Variants in PTCHD4 observed in about 807,000 individuals in gnomAD.
PTCHD4 encodes patched domain containing 4.
PTCHD4 carries 33 observed loss-of-function variants against 58.1 expected under a neutral mutation model. The observed-to-expected ratio is 0.57, with a 90% CI of 0.43 to 0.76. PTCHD4 has a LOEUF of 0.76. Among genes scored for constraint, PTCHD4 ranks in the 30% least tolerant of loss-of-function variants. The pLI is 0.00. For missense variants in PTCHD4, 1,058 were observed against 1,027.1 expected, an observed-to-expected ratio of 1.03 and a Z score of -0.41; for synonymous variants, 478 against 409.6, an observed-to-expected ratio of 1.17 and a Z score of -2.02.
rs1297021738 is a variant in PTCHD4 at position 47,857,592 on chromosome 6, A to G, written c.*20711T>C. ...TTTTCAATATTGCATTGCAGTGCTA[A>G]CTCAATTTCATACCACCGCAAAACT... On this transcript the variant is annotated 3_prime_UTR_variant, in exon 5 of 5. Coordinates refer to ENST00000339488, the MANE Select transcript of PTCHD4 (RefSeq NM_001384253.1). Among the ~76,000 whole-genome samples the G allele has an allele frequency of 6.6e-6, 1 of 152,018 alleles. No individual in the cohort carries two copies. Among genetic ancestry groups the G allele is most frequent in the Non-Finnish European group, 1.5e-5 (1 of 67,984 alleles).
intron 3 of PTCHD4, among the ~76,000 whole-genome samples, chr6:48,035,844 C>A (rs894934484): frequency 4.6e-5 from 7 of 152,104 alleles, no homozygotes; most frequent in African/African-American, 1.7e-4. Context: ...TAGTAATTTT[C>A]TAATCATAAA....
intron 1 of PTCHD4, among the ~76,000 whole-genome samples, chr6:48,106,273 C>A (rs1393121702): frequency 1.3e-5 from 2 of 152,114 alleles, no homozygotes; most frequent in Non-Finnish European, 2.9e-5. Flanking sequence ...GGGCTTCATC[C>A]CTGGGATGCA....
Position 48,068,768 on chromosome 6 carries a change from C to T in PTCHD4, c.6-127G>A. ...ACCCACTCCGCGCTCACCCCACAAC[C>T]ACTCCGCCTGGTCTTTCCCCGGCCC... On this transcript the variant is annotated intron_variant, in intron 2 of 4. Transcript: ENST00000339488. This position sits in a 1 kb window ranked among gnomAD's most constrained non-coding sequence, Gnocchi z 4.2. The T allele has an allele frequency of 2.4e-6, 2 of 837,864 alleles. No homozygotes were observed. Among genetic ancestry groups the T allele is most frequent in the Non-Finnish European group, 3.6e-6 (2 of 552,576 alleles). 51.9% of individuals were successfully genotyped at this position (837,864 alleles called of 1,614,324 possible).
chr6:48,077,371 T>A (rs1469169273), intron 1 of PTCHD4, among the ~76,000 whole-genome samples: 1 of 152,244 alleles, frequency 6.6e-6, no homozygotes, highest in Non-Finnish European at 1.5e-5. Context: ...AGCTGCTTTG[T>A]CTACATTGAA....
At chr6:47,932,539 A>G (rs527617495) in intron 4 of PTCHD4, among the ~76,000 whole-genome samples, 2 of 152,352 alleles carry the variant, frequency 1.3e-5, no homozygotes, top group Non-Finnish European at 2.9e-5. Flanking sequence ...TAAAAGGTAC[A>G]TGGTGTGATT....
In PTCHD4 at chr6:47,956,864, A is replaced by T. The variant is rs117830137; in HGVS notation, c.898+51770T>A. 2.4e-4 allele frequency among the ~76,000 whole-genome samples: 36 copies of T among 152,224 alleles called. 1 individual carries two copies. In the East Asian group the frequency reaches 6.0e-3, roughly 25 times the overall value. On this transcript the variant is annotated intron_variant, in intron 4 of 4. Transcript: ENST00000339488. ...GAGCAGTGAGAATTTGTTTTCTATC[A>T]TTTAAAAAATTGCCTTTCGTTGGGC... is the stretch of plus-strand genomic sequence containing the variant.
intron 4 of PTCHD4, chr6:47,899,463 G>T: frequency 2.7e-6 from 1 of 368,280 alleles, no homozygotes; most frequent in Non-Finnish European, 3.8e-6. Flanking sequence ...TTGTATAGCT[G>T]TTGAAGATTC....
At chr6:47,912,360 G>A (rs1259401692) in intron 4 of PTCHD4, among the ~76,000 whole-genome samples, 1 of 151,726 alleles carries the variant, frequency 6.6e-6, no homozygotes, top group African/African-American at 2.4e-5. Flanking sequence ...TGTAATTCTG[G>A]GCCAGAAGTT....
chr6:48,007,200 A>C (rs1762467820), intron 4 of PTCHD4, among the ~76,000 whole-genome samples: 1 of 152,160 alleles, frequency 6.6e-6, no homozygotes, highest in Non-Finnish European at 1.5e-5. Flanking sequence ...AGATCGTGAC[A>C]CTGCACTCCA....
chr6:47,911,723 G>A (rs986759723), intron 4 of PTCHD4, among the ~76,000 whole-genome samples: 25 of 152,194 alleles, frequency 1.6e-4, no homozygotes, highest in African/African-American at 5.8e-4. Context: ...CGGTAGAGTA[G>A]ACATCTACAT....
chr6:47,898,384 C>T (rs1764591539), intron 4 of PTCHD4, among the ~76,000 whole-genome samples: 1 of 152,078 alleles, frequency 6.6e-6, no homozygotes, highest in African/African-American at 2.4e-5. Flanking sequence ...TAAAAAGCAC[C>T]ACTTCCATTA....
chr6:48,037,308 T>C (rs2753204), intron 3 of PTCHD4, among the ~76,000 whole-genome samples: 87,704 of 151,934 alleles, frequency 0.58, 25,467 homozygotes, highest in East Asian at 0.73. Context: ...ATCATAGGTA[T>C]GTATGTGTAG....
At chr6:47,901,167 A>C (rs1293515687) in intron 4 of PTCHD4, 2 of 150,856 alleles carry the variant, frequency 1.3e-5, no homozygotes, top group African/African-American at 4.8e-5. Context: ...TCTCAAAAAA[A>C]AAAAATAATA....
At chr6:48,026,994 G>T (rs539507436) in intron 3 of PTCHD4, among the ~76,000 whole-genome samples, 1 of 150,540 alleles carries the variant, frequency 6.6e-6, no homozygotes, top group East Asian at 2.0e-4. Context: ...TATTTTATAT[G>T]AACCGGTAAG....
At chr6:48,062,443 C>A (rs139638818) in intron 3 of PTCHD4, among the ~76,000 whole-genome samples, 25 of 151,804 alleles carry the variant, frequency 1.6e-4, no homozygotes, top group Non-Finnish European at 3.4e-4. Context: ...ATGGAGAGAA[C>A]GCTTTCTATC....
chr6:47,993,556 G>A (rs1768360287), intron 4 of PTCHD4, among the ~76,000 whole-genome samples: 1 of 152,178 alleles, frequency 6.6e-6, no homozygotes, highest in Non-Finnish European at 1.5e-5. Flanking sequence ...GCAGAATATG[G>A]CAGCAGATAT....
rs1338704157 is a variant in PTCHD4, at chr6:47,860,464, G to A, written c.*17839C>T. ...AAGACACATGATCTGATTTTGTTTAGTAATCTACATCATTGCTTATCCCAA... is the reference window on the plus strand; with the variant it reads ...AAGACACATGATCTGATTTTGTTTAATAATCTACATCATTGCTTATCCCAA... On this transcript the variant is annotated 3_prime_UTR_variant, in exon 5 of 5. Coordinates refer to ENST00000339488, the MANE Select transcript of PTCHD4 (RefSeq NM_001384253.1). 6.6e-6 allele frequency among the ~76,000 whole-genome samples: 1 copy of A among 151,994 alleles called. No homozygotes were observed. Among genetic ancestry groups the A allele is most frequent in the Non-Finnish European group, 1.5e-5 (1 of 67,954 alleles).
chr6:48,016,919 T>C (rs938946512), intron 3 of PTCHD4, among the ~76,000 whole-genome samples: 2 of 152,218 alleles, frequency 1.3e-5, no homozygotes, highest in African/African-American at 4.8e-5. Context: ...AGACACTTTC[T>C]GTGACTGCAA....
At chr6:48,104,229 C>A (rs1030741144) in intron 1 of PTCHD4, among the ~76,000 whole-genome samples, 92 of 152,310 alleles carry the variant, frequency 6.0e-4, no homozygotes, top group African/African-American at 2.1e-3. Flanking sequence ...CAAAGGGAAG[C>A]CCATCAGACT....
Sources: gnomAD v4.1 joint callset for allele counts (sites outside exome capture counted in the v4.1 genomes callset) on GRCh38, gnomAD v4.1.1 for gene constraint, Gnocchi (gnomAD v3.1) non-coding constraint, MANE v1.5 for transcripts, NCBI Gene and HGNC (gene_info 2026-07-23, HGNC 2026-07-21) for gene names.